Variants in MAST2 observed in about 807,000 individuals in gnomAD.
MAST2 encodes the protein microtubule-associated serine/threonine-protein kinase 2.
A neutral mutation model predicts 147.4 loss-of-function variants in MAST2; 70 were observed. The observed-to-expected ratio is 0.47, with a 90% CI of 0.39 to 0.58. The LOEUF (loss-of-function observed/expected upper bound fraction) is 0.58. Ranked by LOEUF, MAST2 falls within the 20% of genes least tolerant of loss-of-function variation. The pLI, the probability that MAST2 is intolerant of heterozygous loss-of-function variation, is 0.00. For synonymous variants in MAST2, 869 were observed against 896.8 expected (o/e 0.97, Z 0.55); for missense variants, 2,080 against 2,302.3 (o/e 0.90, Z 1.98).
intron 1 of MAST2, among the ~76,000 whole-genome samples, chr1:45,808,320 T>G (rs1354921420): frequency 6.6e-6 from 1 of 152,132 alleles, no homozygotes; most frequent in Non-Finnish European, 1.5e-5. Flanking sequence ...AACCTCTGCC[T>G]CCCAGGTTCA....
intron 3 of MAST2, among the ~76,000 whole-genome samples, chr1:45,877,066 C>G (rs947870340): frequency 6.6e-6 from 1 of 152,114 alleles, no homozygotes; most frequent in African/African-American, 2.4e-5. Context: ...GTTCGTGCTG[C>G]TATAAAAAAA....
At position 46,030,207 on chromosome 1, in the gene MAST2, A is replaced by G; in HGVS notation, c.2522A>G (p.Gln841Arg). 1 of 1,614,200 alleles carries G rather than the reference A, an allele frequency of 6.2e-7. No homozygotes were observed. Among genetic ancestry groups the G allele is most frequent in the East Asian group, 2.2e-5 (1 of 44,882 alleles). ...GAGGATGGCTGCCTTGAGATCCGCC[A>G]GTTCTCTTCCTGCTCTCCAAGGTTC... ...VSEDGCLEIR[Q>R]FSSCSPRFNK... Residue 841 changes from glutamine (Q) to arginine (R), a missense_variant, in exon 21 of 29, where the codon CAG becomes CGG. Physicochemically the swap from Gln to Arg is conservative, Grantham distance 43. Transcript: ENST00000361297.
intron 4 of MAST2, among the ~76,000 whole-genome samples, chr1:45,920,723 A>T (rs1653323435): frequency 6.6e-6 from 1 of 152,248 alleles, no homozygotes; most frequent in African/African-American, 2.4e-5. Context: ...GGAAAATGTA[A>T]TGTCAAAAGA....
intron 3 of MAST2, among the ~76,000 whole-genome samples, chr1:45,835,193 C>A (rs1439653361): frequency 6.6e-6 from 1 of 151,984 alleles, no homozygotes; most frequent in Non-Finnish European, 1.5e-5. Context: ...ACCAATCTAC[C>A]AGTTCACAAG....
intron 19 of MAST2, 69 bp from the exon 20 acceptor site, chr1:46,029,762 G>C (rs2236560): frequency 1.9e-6 from 3 of 1,577,844 alleles, no homozygotes; most frequent in South Asian, 1.2e-5. Context: ...CTGGCTTCTT[G>C]CTAGATTTGC....
At chr1:45,886,185 G>A (rs1448904059) in intron 4 of MAST2, among the ~76,000 whole-genome samples, 1 of 150,128 alleles carries the variant, frequency 6.7e-6, no homozygotes, top group East Asian at 1.9e-4. Context: ...CAGGAGTCTG[G>A]AATGAGTGAT....
intron 10 of MAST2, among the ~76,000 whole-genome samples, chr1:46,017,699 A>T: frequency 6.6e-6 from 1 of 152,028 alleles, no homozygotes; most frequent in Non-Finnish European, 1.5e-5. Context: ...GAGAAATAGG[A>T]ACACTTTTAT....
chr1:46,009,153 C>T (rs1357816596), intron 9 of MAST2, among the ~76,000 whole-genome samples: 1 of 152,200 alleles, frequency 6.6e-6, no homozygotes, highest in Non-Finnish European at 1.5e-5. Flanking sequence ...CTCCGGGGTT[C>T]AGACAATTCT....
At chr1:45,933,283 C>T (rs988527381) in intron 4 of MAST2, among the ~76,000 whole-genome samples, 9 of 151,352 alleles carry the variant, frequency 5.9e-5, no homozygotes, top group African/African-American at 2.2e-4. Context: ...CATGGTTGCC[C>T]ATACTTAGGT....
chr1:45,817,556 C>T (rs962653123), intron 1 of MAST2, among the ~76,000 whole-genome samples: 2 of 152,172 alleles, frequency 1.3e-5, no homozygotes, highest in Non-Finnish European at 2.9e-5. Flanking sequence ...AACACCAGAC[C>T]TGTCCCACAC....
At chr1:45,905,581 C>T (rs145833168) in intron 4 of MAST2, among the ~76,000 whole-genome samples, 5,405 of 152,174 alleles carry the variant, frequency 0.036, 138 homozygotes, top group Non-Finnish European at 0.052. Flanking sequence ...TTGAGACCAT[C>T]CTGGCTAACA....
At chr1:45,855,135 T>A (rs1645746543) in intron 3 of MAST2, among the ~76,000 whole-genome samples, 1 of 152,194 alleles carries the variant, frequency 6.6e-6, no homozygotes. Context: ...AATTTTCTAA[T>A]CATGGCTTGG....
At chr1:45,928,912 G>T (rs1477793475) in intron 4 of MAST2, among the ~76,000 whole-genome samples, 1 of 149,392 alleles carries the variant, frequency 6.7e-6, no homozygotes, top group Admixed American at 6.7e-5. Flanking sequence ...TCTGGATTTT[G>T]CTGATTGCAT....
intron 1 of MAST2, among the ~76,000 whole-genome samples, chr1:45,814,536 A>G (rs934955695): frequency 2.0e-5 from 3 of 152,212 alleles, no homozygotes; most frequent in East Asian, 1.9e-4. Context: ...ATTTTGTATA[A>G]TGTAAACACA....
rs1351545236 is a variant in MAST2, at chr1:46,022,983, G to A, written c.1485+12G>A. ...ATGATTCTATTGAGGTAAAAACCCT[G>A]AGCTCCTACCCCATTCCTGGAGCCT... is the stretch of plus-strand genomic sequence containing the variant. On this transcript the variant is annotated intron_variant, in intron 13 of 28. Transcript: ENST00000361297. 2 of 1,613,082 alleles carry A rather than the reference G, an allele frequency of 1.2e-6. No individual in the cohort carries two copies. The highest frequency in any genetic ancestry group is 1.7e-6 in the Non-Finnish European group (2 of 1,179,226).
chr1:45,824,735 C>G (rs1644738586), intron 2 of MAST2, among the ~76,000 whole-genome samples, 155 bp downstream of exon 2: 1 of 152,194 alleles, frequency 6.6e-6, no homozygotes, highest in East Asian at 1.9e-4. Flanking sequence ...CTTACTTCTT[C>G]CTCATGGAAT....
chr1:45,861,740 CAG>C (rs34215190), intron 3 of MAST2, among the ~76,000 whole-genome samples: 51,482 of 151,696 alleles, frequency 0.34, 9,129 homozygotes, highest in African/African-American at 0.44. Flanking sequence ...ACTTTGGCTG[CAG>C]AGAGTATGGA....
At chr1:45,920,602 T>C (rs1653304242) in intron 4 of MAST2, among the ~76,000 whole-genome samples, 1 of 152,230 alleles carries the variant, frequency 6.6e-6, no homozygotes, top group Non-Finnish European at 1.5e-5. Flanking sequence ...CTTCTGTCAT[T>C]AGTTGTTCTT....
Position 45,954,173 on chromosome 1 carries a change from A to G in MAST2, c.501-5213A>G, listed in dbSNP as rs1471744464. ...TAGACCTCTGAGATTTGGAGACTGG[A>G]GAGACCTAAGGGATCTGCAACCAGA... On this transcript the variant is annotated intron_variant, in intron 4 of 28. Coordinates refer to ENST00000361297, the MANE Select transcript of MAST2 (RefSeq NM_015112.3). Among the ~76,000 whole-genome samples the G allele has an allele frequency of 2.0e-5, 3 of 152,180 alleles. No homozygotes were observed. The East Asian group carries it at 5.8e-4, about 29-fold the overall frequency.
Sources: gnomAD v4.1 joint callset for allele counts (sites outside exome capture counted in the v4.1 genomes callset) on GRCh38, gnomAD v4.1.1 for gene constraint, MANE v1.5 for transcripts, NCBI Gene and HGNC (gene_info 2026-07-23, HGNC 2026-07-21) for gene names.